DNAH1: variants seen among roughly 807,000 people sequenced by gnomAD.
DNAH1 encodes the protein dynein axonemal heavy chain 1.
In DNAH1, 327 loss-of-function variants were observed where a neutral mutation model predicts 484.3. That is an observed-to-expected ratio of 0.68 (90% confidence interval 0.62 to 0.74). DNAH1 has a LOEUF of 0.74. Among genes scored for constraint, DNAH1 ranks in the 30% least tolerant of loss-of-function variants. The pLI is 0.00. For synonymous variants in DNAH1, 2,192 were observed against 2,191.9 expected (o/e 1.00, Z 0.00); for missense variants, 5,052 against 5,546.8 (o/e 0.91, Z 2.83).
intron 41 of DNAH1, among the ~76,000 whole-genome samples, chr3:52,371,214 AG>A (rs1703323981): frequency 6.6e-6 from 1 of 152,342 alleles, no homozygotes; most frequent in African/African-American, 2.4e-5. Flanking sequence ...AGCCTGCTTC[AG>A]TGTCCTCATC....
In DNAH1 at chr3:52,368,761, C is replaced by T. The variant is rs554663244; in HGVS notation, c.5786C>T (p.Ser1929Leu). Reference protein sequence around the residue: ...THEWTDGIFSSFIRAGAITSD... With the variant: ...THEWTDGIFSLFIRAGAITSD... ...TGCAGGACAGACGGGATATTCTCCT[C>T]GTTCATCCGGGCGGGGGCCATCACC... The change falls in exon 37 of 78, where the codon TCG becomes TTG. Residue 1929 changes from serine (S) to leucine (L), a missense_variant. Around this residue, in one of 4 missense-constraint regions of DNAH1, gnomAD observed 2,929 missense variants for 3,409.4 expected, o/e 0.86. Coordinates refer to ENST00000420323, the MANE Select transcript of DNAH1 (RefSeq NM_015512.5). This position sits in a 1 kb window ranked among gnomAD's most constrained non-coding sequence, Gnocchi z 4.4. The T allele has an allele frequency of 1.9e-5, 30 of 1,613,798 alleles. No homozygotes were observed. The highest frequency in any genetic ancestry group is 1.2e-4 in the African/African-American group (9 of 75,046).
chr3:52,365,695 C>A (rs889766978), intron 34 of DNAH1, among the ~76,000 whole-genome samples: 1 of 152,156 alleles, frequency 6.6e-6, no homozygotes, highest in African/African-American at 2.4e-5. Flanking sequence ...GAAGCCATGG[C>A]CAGTCACCCT....
At chr3:52,352,861 G>C (rs1702451336) in intron 18 of DNAH1, among the ~76,000 whole-genome samples, 154 bp downstream of exon 18, 1 of 152,180 alleles carries the variant, frequency 6.6e-6, no homozygotes, top group South Asian at 2.1e-4. Context: ...CTCAGGTTGA[G>C]GAGGCCCCTA....
In DNAH1 at chr3:52,352,722, G is replaced by A. The variant is rs371606468; in HGVS notation, c.3027+15G>A. The A allele has an allele frequency of 8.7e-6, 14 of 1,604,328 alleles. No homozygotes were observed. In the African/African-American group the frequency reaches 1.5e-4, roughly 17 times the overall value. On this transcript the variant is annotated intron_variant, in intron 18 of 77. Coordinates refer to ENST00000420323, the MANE Select transcript of DNAH1 (RefSeq NM_015512.5). The stretch of plus-strand genomic sequence containing the variant: ...CCATCACCAATGTAGGCCTCCTGCA[G>A]GCACCCTGCCCCCATGCCCCCAGGC...
At chr3:52,339,772 G>GT (rs1175700620) in intron 8 of DNAH1, among the ~76,000 whole-genome samples, 3 of 151,002 alleles carry the variant, frequency 2.0e-5, no homozygotes, top group South Asian at 2.1e-4. Flanking sequence ...TTTTTTGTTT[G>GT]TTTGTTTTTA....
In DNAH1 at chr3:52,331,162, C is replaced by G. The variant is rs188504147; in HGVS notation, c.886C>G (p.Gln296Glu). The G allele has an allele frequency of 1.3e-6, 2 of 1,596,314 alleles. No homozygotes were observed. ...DFLGHEDPKSQKLKYKWCEVG... is the reference protein window; with the variant it reads ...DFLGHEDPKSEKLKYKWCEVG... ...TCCTGTTTCAGAGGACCCCAAGAGT[C>G]AGAAGCTGAAGTACAAATGGTGCGA... Residue 296 changes from glutamine (Q) to glutamate (E), a missense_variant, in exon 7 of 78, where the codon CAG becomes GAG. Around this residue, in one of 4 missense-constraint regions of DNAH1, gnomAD observed 1,263 missense variants for 1,218.8 expected, o/e 1.04. Transcript: ENST00000420323.
chr3:52,366,586 G>A, intron 35 of DNAH1, 38 bp downstream of exon 35: 1 of 1,569,266 alleles, frequency 6.4e-7, no homozygotes. Context: ...TGTCCGGATA[G>A]TGGGCCTGTA....
chr3:52,348,776 C>A, intron 12 of DNAH1, 112 bp from the exon 13 acceptor site: 2 of 1,192,620 alleles, frequency 1.7e-6, no homozygotes, highest in South Asian at 1.4e-5. Flanking sequence ...AGGCTTCAGG[C>A]CACATCCTGC....
At chr3:52,335,833 C>T (rs1386492041) in intron 8 of DNAH1, among the ~76,000 whole-genome samples, 1 of 151,982 alleles carries the variant, frequency 6.6e-6, no homozygotes, top group East Asian at 1.9e-4. Context: ...GGGGTTTCTC[C>T]ATGTTGGTCA....
intron 56 of DNAH1, 38 bp from the exon 57 acceptor site, chr3:52,388,129 G>T: frequency 6.3e-7 from 1 of 1,587,648 alleles, no homozygotes. Context: ...TGTCACCCTT[G>T]AGAAGCAGCC....
At chr3:52,396,118 G>A (rs1042034427) in intron 70 of DNAH1, among the ~76,000 whole-genome samples, 19 of 151,960 alleles carry the variant, frequency 1.3e-4, no homozygotes, top group African/African-American at 4.4e-4. Context: ...TATTTTTAGT[G>A]GAGATGGCAT....
chr3:52,382,271 G>C (rs543531779), intron 49 of DNAH1, 49 bp from the exon 50 acceptor site: 1 of 1,613,570 alleles, frequency 6.2e-7, no homozygotes, highest in Admixed American at 1.7e-5. Flanking sequence ...ACCCTTCAGC[G>C]TCTGGCCCCA....
intron 46 of DNAH1, 54 bp from the exon 47 acceptor site, chr3:52,378,548 G>A (rs1703702414): frequency 6.3e-7 from 1 of 1,582,328 alleles, no homozygotes; most frequent in African/African-American, 1.3e-5. Flanking sequence ...GACCTGCAGA[G>A]GCGGCAGAGG....
At chr3:52,365,091 G>A in intron 34 of DNAH1, 72 bp downstream of exon 34, 1 of 1,538,664 alleles carries the variant, frequency 6.5e-7, no homozygotes, top group Non-Finnish European at 8.8e-7. Flanking sequence ...CAGGGGGACA[G>A]AGACAGGACA....
chr3:52,382,645 A>G (rs1703906782), intron 50 of DNAH1, among the ~76,000 whole-genome samples, 190 bp downstream of exon 50: 1 of 152,180 alleles, frequency 6.6e-6, no homozygotes, highest in Non-Finnish European at 1.5e-5. Context: ...CCAACCTCTC[A>G]GAGCTAAGGT....
intron 26 of DNAH1, 27 bp from the exon 27 acceptor site, chr3:52,359,889 G>T (rs760032378): frequency 6.2e-7 from 1 of 1,612,506 alleles, no homozygotes; most frequent in Admixed American, 1.7e-5. Context: ...GTACCCTGAT[G>T]TTTGACAGTG....
intron 53 of DNAH1, 79 bp downstream of exon 53, chr3:52,385,056 C>T (rs1279890657): frequency 2.1e-6 from 3 of 1,461,880 alleles, no homozygotes; most frequent in African/African-American, 2.8e-5. Context: ...TCCAGGGTGA[C>T]ACCATGCTCC....
intron 6 of DNAH1, among the ~76,000 whole-genome samples, chr3:52,329,628 C>T (rs1359122679): frequency 6.6e-6 from 1 of 152,074 alleles, no homozygotes; most frequent in African/African-American, 2.4e-5. Flanking sequence ...GAGTTCAAGA[C>T]CAGCCTGAAC....
At chr3:52,331,429 C>A in intron 7 of DNAH1, 120 bp downstream of exon 7, 1 of 1,196,272 alleles carries the variant, frequency 8.4e-7, no homozygotes, top group Non-Finnish European at 1.2e-6. Flanking sequence ...TTTCTGTTTG[C>A]CCAATGCCCT....
Sources: gnomAD v4.1 joint callset for allele counts (sites outside exome capture counted in the v4.1 genomes callset) on GRCh38, gnomAD v4.1.1 for gene constraint, gnomAD v4.1.1 regional missense constraint, Gnocchi (gnomAD v3.1) non-coding constraint, MANE v1.5 for transcripts, NCBI Gene and HGNC (gene_info 2026-07-23, HGNC 2026-07-21) for gene names.